Variants in SAP30BP observed in about 807,000 individuals in gnomAD.
The protein encoded by SAP30BP is SAP30-binding protein.
A neutral mutation model predicts 46.3 loss-of-function variants in SAP30BP; 31 were observed. The ratio of observed to expected loss-of-function variants is 0.67; its 90% CI spans 0.50 to 0.90. The LOEUF (loss-of-function observed/expected upper bound fraction) is 0.90. SAP30BP is among the 40% of genes least tolerant of loss of function. The probability of loss-of-function intolerance (pLI) is 0.00; values close to 1 mark genes in which losing one functional copy is unlikely to be tolerated. For synonymous variants in SAP30BP, 169 were observed against 144.2 expected, an observed-to-expected ratio of 1.17 and a Z score of -1.23; for missense variants, 312 against 391.0, an observed-to-expected ratio of 0.80 and a Z score of 1.70.
chr17:75,671,866 A>T lies in SAP30BP; in HGVS notation c.264+3A>T. On this transcript the variant is annotated splice_donor_region_variant and intron_variant, in intron 3 of 10. Coordinates refer to ENST00000584667, the MANE Select transcript of SAP30BP (RefSeq NM_013260.8). ...AACCTGAGGCTGATGACCCAAAGGTATTTGGTGTTGGCTGTGGTGGGTGGC... is the reference window on the plus strand; with the variant it reads ...AACCTGAGGCTGATGACCCAAAGGTTTTTGGTGTTGGCTGTGGTGGGTGGC... The T allele has an allele frequency of 1.2e-6, 2 of 1,612,486 alleles. No individual in the cohort carries two copies. Among genetic ancestry groups the T allele is most frequent in the Non-Finnish European group, 1.7e-6 (2 of 1,178,516 alleles).
chr17:75,672,728 G>T (rs931553359), intron 3 of SAP30BP, among the ~76,000 whole-genome samples: 1 of 152,116 alleles, frequency 6.6e-6, no homozygotes, highest in African/African-American at 2.4e-5. Context: ...AGGCTGAGGC[G>T]GGAGGATCAC....
intron 4 of SAP30BP, 138 bp downstream of exon 4, chr17:75,693,620 C>A: frequency 1.5e-6 from 1 of 680,972 alleles, no homozygotes; most frequent in Non-Finnish European, 2.5e-6. Context: ...CCTCTCAGGG[C>A]TTTGGCATTT....
chr17:75,693,280 T>C (rs2060266601), intron 3 of SAP30BP, 160 bp from the exon 4 acceptor site: 2 of 604,426 alleles, frequency 3.3e-6, no homozygotes, highest in Non-Finnish European at 6.0e-6. Flanking sequence ...GTTCGGAGGC[T>C]CGGGGGTGCC....
chr17:75,679,407 A>G (rs992887494), intron 3 of SAP30BP: 2 of 152,206 alleles, frequency 1.3e-5, no homozygotes, highest in African/African-American at 2.4e-5. Context: ...GGACTTGGGC[A>G]TTATACATAA....
At chr17:75,694,658 C>T (rs570115049) in intron 4 of SAP30BP, among the ~76,000 whole-genome samples, 12 of 152,230 alleles carry the variant, frequency 7.9e-5, no homozygotes, top group East Asian at 1.9e-4. Context: ...CGGGCGTGGA[C>T]GGGAGCCTTG....
Position 75,706,545 on chromosome 17 carries a change from G to A in SAP30BP, c.*24G>A. ...GACCTGAGGGGCCACCCTAGGACTT[G>A]AAAGGACCGTGCAGCCCAGTGACCA... On this transcript the variant is annotated 3_prime_UTR_variant, in exon 11 of 11. Transcript: ENST00000584667. The surrounding 1 kb of genome is among the most constrained non-coding windows in gnomAD (Gnocchi z 4.6). The A allele has an allele frequency of 6.2e-7, 1 of 1,610,670 alleles. No individual in the cohort carries two copies. The highest frequency in any genetic ancestry group is 8.5e-7 in the Non-Finnish European group (1 of 1,177,480).
rs760547244 is a variant in SAP30BP at position 75,699,745 on chromosome 17, A to G, written c.308-38A>G. 14 of 1,440,590 alleles carry G rather than the reference A, an allele frequency of 9.7e-6. No individual in the cohort carries two copies. The East Asian group carries it at 3.2e-4, about 33-fold the overall frequency. The allele number at this position is 1,440,590 out of a possible 1,614,324, so 89.2% of individuals were successfully genotyped here. A position where few individuals can be genotyped will look rare whatever the true frequency, so the allele number is the denominator to read the frequency against. On this transcript the variant is annotated intron_variant, in intron 4 of 10. Coordinates refer to ENST00000584667, the MANE Select transcript of SAP30BP (RefSeq NM_013260.8). The stretch of plus-strand genomic sequence containing the variant: ...TTGTCCATGTCTGTCCCTTGTTCTA[A>G]TCCCCACCTACAGAATTTTTCCTTC...
chr17:75,688,505 C>T (rs994807930), intron 3 of SAP30BP, among the ~76,000 whole-genome samples: 4 of 151,962 alleles, frequency 2.6e-5, no homozygotes, highest in Admixed American at 2.0e-4. Context: ...CCGCTACTCC[C>T]GAAGCTGGAA....
At chr17:75,680,865 C>A (rs1031771390) in intron 3 of SAP30BP, among the ~76,000 whole-genome samples, 1 of 152,104 alleles carries the variant, frequency 6.6e-6, no homozygotes, top group African/African-American at 2.4e-5. Flanking sequence ...TGAAACCCGT[C>A]TCTACAGAAA....
At chr17:75,705,973 T>C in intron 9 of SAP30BP, 35 bp from the exon 10 acceptor site, 8 of 1,609,536 alleles carry the variant, frequency 5.0e-6, no homozygotes, top group Non-Finnish European at 6.8e-6. Flanking sequence ...CACCCAGCTT[T>C]GCCTGGTCTT....
At chr17:75,692,716 T>C (rs1374889114) in intron 3 of SAP30BP, 1 of 157,112 alleles carries the variant, frequency 6.4e-6, no homozygotes, top group Non-Finnish European at 1.4e-5. Context: ...GATGTAGCTG[T>C]CATGGGACAC....
chr17:75,672,085 A>T lies in SAP30BP; in HGVS notation c.264+222A>T, dbSNP rs145430699. On this transcript the variant is annotated intron_variant, in intron 3 of 10. Transcript: ENST00000584667. ...GATTTCCAGCCTTTCAGATTGTGCC[A>T]TATCTCCTGACTAGAAAGGCGAGAG... 3 of 547,942 alleles carry T rather than the reference A, an allele frequency of 5.5e-6. No homozygotes were observed. The East Asian group carries it at 9.5e-5, about 17-fold the overall frequency. The allele number at this position is 547,942 out of a possible 1,614,324, so 33.9% of individuals were successfully genotyped here.
intron 3 of SAP30BP, among the ~76,000 whole-genome samples, chr17:75,673,842 C>T (rs1032899532): frequency 2.0e-5 from 3 of 152,186 alleles, no homozygotes; most frequent in African/African-American, 7.2e-5. Flanking sequence ...CCCTACATCA[C>T]GGCTGACAGC....
intron 3 of SAP30BP, chr17:75,691,282 G>A (rs2060237977): frequency 2.7e-6 from 1 of 374,304 alleles, no homozygotes; most frequent in Non-Finnish European, 5.2e-6. Context: ...TTATTTCTTA[G>A]GCGTAGAAGG....
At chr17:75,691,051 T>G (rs1171577948) in intron 3 of SAP30BP, among the ~76,000 whole-genome samples, 1 of 152,208 alleles carries the variant, frequency 6.6e-6, no homozygotes, top group African/African-American at 2.4e-5. Flanking sequence ...CAGTACTTTG[T>G]TCAGAGGCAC....
Position 75,699,753 on chromosome 17 carries a change from C to G in SAP30BP, c.308-30C>G, listed in dbSNP as rs764021956. On this transcript the variant is annotated intron_variant, in intron 4 of 10. Coordinates refer to ENST00000584667, the MANE Select transcript of SAP30BP (RefSeq NM_013260.8). Reference sequence around the variant, plus strand: ...GTCTGTCCCTTGTTCTAATCCCCACCTACAGAATTTTTCCTTCTTCTCTCA... The same window carrying G: ...GTCTGTCCCTTGTTCTAATCCCCACGTACAGAATTTTTCCTTCTTCTCTCA... The G allele has an allele frequency of 9.2e-6, 14 of 1,527,634 alleles. No homozygotes were observed. The Admixed American group carries it at 1.5e-4, about 16-fold the overall frequency. The allele number at this position is 1,527,634 out of a possible 1,614,324, so 94.6% of individuals were successfully genotyped here.
chr17:75,687,917 G>GGTGTGTGTGTGTGTGTGTGTGTGT (rs68006166), intron 3 of SAP30BP, among the ~76,000 whole-genome samples: 1 of 120,260 alleles, frequency 8.3e-6, no homozygotes, highest in African/African-American at 3.0e-5. Flanking sequence ...CAGTGTTTGG[G>GGTGTGTGTGTGTGTGTGTGTGTGT]GTGTGTGTGT....
chr17:75,705,046 C>T (rs1004521683), intron 9 of SAP30BP: 2 of 516,872 alleles, frequency 3.9e-6, no homozygotes, highest in South Asian at 2.1e-5. Flanking sequence ...GCCCCCCTTT[C>T]CTCCCCGCCA....
chr17:75,699,740 T>TTC (rs1421360395), intron 4 of SAP30BP, 43 bp from the exon 5 acceptor site: 18 of 1,390,298 alleles, frequency 1.3e-5, no homozygotes, highest in Non-Finnish European at 1.7e-5. Context: ...CTGTCCCTTG[T>TTC]TCTAATCCCC....
Sources: gnomAD v4.1 joint callset for allele counts (sites outside exome capture counted in the v4.1 genomes callset) on GRCh38, gnomAD v4.1.1 for gene constraint, Gnocchi (gnomAD v3.1) non-coding constraint, MANE v1.5 for transcripts, NCBI Gene and HGNC (gene_info 2026-07-23, HGNC 2026-07-21) for gene names.